TMEM253: variants seen among roughly 807,000 people sequenced by gnomAD.
TMEM253 encodes transmembrane protein 253.
Under a neutral mutation model 20.3 loss-of-function variants are expected in TMEM253, and 22 were observed. The observed-to-expected ratio is 1.08, with a 90% CI of 0.78 to 1.55. TMEM253 has a LOEUF of 1.55. TMEM253 is among the 40% of genes most tolerant of loss of function. The pLI is 0.00. For synonymous variants in TMEM253, 92 were observed against 102.6 expected, an observed-to-expected ratio of 0.90 and a Z score of 0.62; for missense variants, 251 against 266.1, an observed-to-expected ratio of 0.94 and a Z score of 0.39.
At chr14:21,103,364 C>G (rs2139357391) in exon 7 of TMEM253, 1 of 1,448,778 alleles carries the variant, frequency 6.9e-7, no homozygotes, top group Admixed American at 2.7e-5. Flanking sequence ...AGTTTTCACT[C>G]AAAGCAGGCC....
chr14:21,102,874 G>C, intron 6 of TMEM253, 95 bp downstream of exon 6: 1 of 1,476,784 alleles, frequency 6.8e-7, no homozygotes, highest in South Asian at 1.3e-5. Flanking sequence ...AAATAATGGG[G>C]CAGGAGAGAA....
upstream of TMEM253, among the ~76,000 whole-genome samples, chr14:21,099,965 C>T (rs1889532358): frequency 6.6e-6 from 1 of 152,170 alleles, no homozygotes; most frequent in Admixed American, 6.5e-5. Flanking sequence ...TCATCAGCAC[C>T]ACTAATAGTT....
chr14:21,101,569 G>T (rs761634685), intron 2 of TMEM253, 118 bp downstream of exon 2: 1 of 945,508 alleles, frequency 1.1e-6, no homozygotes, highest in Non-Finnish European at 1.6e-6. Context: ...ACTGAGCTAG[G>T]TTCTGAATGG....
chr14:21,100,067 A>C (rs537014537), upstream of TMEM253, among the ~76,000 whole-genome samples: 7 of 152,312 alleles, frequency 4.6e-5, no homozygotes, highest in South Asian at 1.5e-3. Flanking sequence ...ATAGGTAGAA[A>C]AACATATCTA....
At chr14:21,101,877 T>C (rs901389905) in exon 3 of TMEM253, 1 of 1,551,544 alleles carries the variant, frequency 6.4e-7, no homozygotes, top group South Asian at 1.2e-5. Context: ...GAGCCAGCTA[T>C]GGCTGGCAGT....
In TMEM253 at chr14:21,101,300, T is replaced by G. The variant is rs1193223287; in HGVS notation, c.-36-8T>G. 1 of 1,539,700 alleles carries G rather than the reference T, an allele frequency of 6.5e-7. No individual in the cohort carries two copies. The highest frequency in any genetic ancestry group is 8.8e-7 in the Non-Finnish European group (1 of 1,137,094). ...TAATAGACAGAACCTATAACGCATT[T>G]TTCCCAGCCTAGGAAGCACCTAATT... On this transcript the variant is annotated splice_polypyrimidine_tract_variant and splice_region_variant and intron_variant, in intron 1 of 6. Coordinates refer to ENST00000556585, the Ensembl canonical transcript of TMEM253.
chr14:21,102,334 A>G, intron 4 of TMEM253, 71 bp from the exon 5 acceptor site: 1 of 1,517,270 alleles, frequency 6.6e-7, no homozygotes, highest in Non-Finnish European at 8.9e-7. Context: ...GTCTTCAGCT[A>G]GGCTGCAAGT....
At chr14:21,103,047 T>A in intron 6 of TMEM253, 92 bp from the exon 7 acceptor site, 1 of 1,539,714 alleles carries the variant, frequency 6.5e-7, no homozygotes, top group Non-Finnish European at 8.8e-7. Flanking sequence ...GGAAACAGGA[T>A]AGAAAATTGG....
chr14:21,102,806 A>C, intron 6 of TMEM253, 27 bp downstream of exon 6: 3 of 1,542,792 alleles, frequency 1.9e-6, no homozygotes, highest in Non-Finnish European at 1.7e-6. Context: ...GAAAGCACGA[A>C]TAGCTAGCTG....
exon 1 of TMEM253, chr14:21,101,126 C>A: frequency 2.2e-6 from 1 of 455,714 alleles, no homozygotes; most frequent in Non-Finnish European, 4.1e-6. Flanking sequence ...TATCAAGCCC[C>A]TTAGGAGACC....
intron 1 of TMEM253, 57 bp from the exon 2 acceptor site, chr14:21,101,251 T>G (rs567298554): frequency 1.7e-6 from 2 of 1,172,772 alleles, no homozygotes; most frequent in South Asian, 1.4e-5. Flanking sequence ...AGCTGAAAGA[T>G]ACGTTGTTGC....
intron 2 of TMEM253, 125 bp downstream of exon 2, chr14:21,101,576 A>G (rs1360964818): frequency 1.1e-6 from 1 of 891,930 alleles, no homozygotes; most frequent in African/African-American, 1.7e-5. Flanking sequence ...TAGGTTCTGA[A>G]TGGGAGGAGG....
chr14:21,100,169 C>T (rs900375664), upstream of TMEM253, among the ~76,000 whole-genome samples: 6 of 152,104 alleles, frequency 3.9e-5, no homozygotes, highest in African/African-American at 9.7e-5. Flanking sequence ...TTGAGACCAG[C>T]TTAGGCAACA....
upstream of TMEM253, chr14:21,098,926 G>A (rs1889477673): frequency 1.8e-6 from 2 of 1,130,966 alleles, no homozygotes; most frequent in Non-Finnish European, 2.3e-6. Context: ...CTCTTTTGGG[G>A]GAGGAGGAGG....
rs768703771 is a variant in TMEM253, at chr14:21,102,803, C to G, written c.534+24C>G. On this transcript the variant is annotated intron_variant, in intron 6 of 6. Coordinates refer to ENST00000556585, the Ensembl canonical transcript of TMEM253. ...AGGTATGGGGGCAGGGAAGAAAGCA[C>G]GAATAGCTAGCTGCCAACTAATTTT... 1.9e-6 allele frequency: 3 copies of G among 1,543,294 alleles called. No homozygotes were observed. In the South Asian group the frequency reaches 3.6e-5, roughly 18 times the overall value.
exon 2 of TMEM253, chr14:21,101,352 T>C (rs1417413495): frequency 6.4e-7 from 1 of 1,551,478 alleles, no homozygotes; most frequent in Non-Finnish European, 8.7e-7. Flanking sequence ...CCATGGAAGA[T>C]AGAGCTGGTG....
chr14:21,101,309 C>T, exon 2 of TMEM253: 2 of 1,545,458 alleles, frequency 1.3e-6, no homozygotes, highest in East Asian at 2.4e-5. Flanking sequence ...TTTTCCCAGC[C>T]TAGGAAGCAC....
At chr14:21,099,234 G>C (rs1357679850), upstream of TMEM253, 2 of 156,196 alleles carry the variant, frequency 1.3e-5, no homozygotes, top group Non-Finnish European at 2.9e-5. Context: ...AATATTTACT[G>C]AATGCCTGTT....
exon 7 of TMEM253, chr14:21,103,403 A>G: frequency 1.5e-6 from 2 of 1,329,392 alleles, no homozygotes; most frequent in Non-Finnish European, 2.0e-6. Flanking sequence ...TGTTAGGGGA[A>G]GATACACCTG....
Sources: allele counts gnomAD v4.1 joint callset (sites outside exome capture counted in the v4.1 genomes callset), GRCh38; gene constraint gnomAD v4.1.1; transcripts MANE v1.5; gene names NCBI Gene and HGNC (gene_info 2026-07-23, HGNC 2026-07-21).